DDX31: variants seen among roughly 807,000 people sequenced by gnomAD.
DDX31 encodes the protein ATP-dependent DNA helicase DDX31.
In DDX31, 70 loss-of-function variants were observed where a neutral mutation model predicts 91.3. That is an observed-to-expected ratio of 0.77 (90% CI 0.63 to 0.94). The LOEUF (loss-of-function observed/expected upper bound fraction) is 0.94. Ranked by LOEUF, DDX31 falls within the 40% of genes least tolerant of loss-of-function variation. The probability of loss-of-function intolerance (pLI) is 0.00; values close to 1 mark genes in which losing one functional copy is unlikely to be tolerated. For missense variants in DDX31, 902 were observed against 925.0 expected (o/e 0.98, Z 0.32); for synonymous variants, 362 against 350.6 (o/e 1.03, Z -0.36).
At chr9:132,655,937 C>T (rs1052418237) in intron 6 of DDX31, among the ~76,000 whole-genome samples, 4 of 152,134 alleles carry the variant, frequency 2.6e-5, no homozygotes, top group East Asian at 1.9e-4. Context: ...CTACACTGAA[C>T]GCAGGCTAGG....
At chr9:132,669,734 G>C (rs890229056) in intron 1 of DDX31, 126 bp downstream of exon 1, 109 of 1,530,002 alleles carry the variant, frequency 7.1e-5, no homozygotes, top group Non-Finnish European at 9.0e-5. Flanking sequence ...GAAGCTGCCC[G>C]GTGTCTTTCT....
At chr9:132,653,494 C>CAAAAAAAAAAAAAAAAAAAA (rs71376648) in intron 6 of DDX31, among the ~76,000 whole-genome samples, 1 of 20,660 alleles carries the variant, frequency 4.8e-5, no homozygotes, top group African/African-American at 8.9e-5. Flanking sequence ...AACTCAGTCT[C>CAAAAAAAAAAAAAAAAAAAA]AAAAAAAAAA....
At position 132,641,995 on chromosome 9, in the gene DDX31, G is replaced by A. The variant is rs748271402; in HGVS notation, c.1440+9C>T. The A allele has an allele frequency of 2.5e-6, 4 of 1,612,590 alleles. No individual in the cohort carries two copies. The African/African-American group carries it at 5.3e-5, about 22-fold the overall frequency. On this transcript the variant is annotated intron_variant, in intron 14 of 19. Coordinates refer to ENST00000372159, the MANE Select transcript of DDX31 (RefSeq NM_022779.9). ...TCAGCCTTCACATGGAACACAGGAG[G>A]ATACGTACCGTGCAAAGAAGGACGC...
chr9:132,666,316 G>C (rs1264275122), intron 1 of DDX31, among the ~76,000 whole-genome samples: 3 of 150,870 alleles, frequency 2.0e-5, no homozygotes, highest in Non-Finnish European at 4.4e-5. Context: ...TGAAGAAATA[G>C]AGCTTCATAA....
At chr9:132,657,663 G>A (rs541273519) in intron 6 of DDX31, among the ~76,000 whole-genome samples, 1 of 152,192 alleles carries the variant, frequency 6.6e-6, no homozygotes, top group East Asian at 1.9e-4. Context: ...AACAGTAATC[G>A]ATTAGCTTTT....
intron 5 of DDX31, among the ~76,000 whole-genome samples, chr9:132,659,489 G>A (rs191615239): frequency 3.9e-5 from 6 of 152,210 alleles, no homozygotes; most frequent in Admixed American, 3.9e-4. Flanking sequence ...AATTATAGCC[G>A]AACCTGACTA....
Position 132,658,730 on chromosome 9 carries a change from T to G in DDX31, c.529A>C (p.Thr177Pro), listed in dbSNP as rs896377332. 1.2e-6 allele frequency: 2 copies of G among 1,612,562 alleles called. No individual in the cohort carries two copies. Among genetic ancestry groups the G allele is most frequent in the Non-Finnish European group, 1.7e-6 (2 of 1,179,532 alleles). The change falls in exon 6 of 20, where the codon ACT (threonine) becomes CCT (proline). Residue 177 changes from threonine to proline, a missense_variant. Transcript: ENST00000372159. ...LVRSQTGSGKTLAYCIPVVQS... is the reference protein window; with the variant it reads ...LVRSQTGSGKPLAYCIPVVQS... ...ACCACAGGGATGCAATAGGCAAGAG[T>G]TTTACCTTTCAAAAAAAAAGCAGAA...
At chr9:132,658,816 G>A in intron 5 of DDX31, 81 bp from the exon 6 acceptor site, 3 of 1,318,150 alleles carry the variant, frequency 2.3e-6, no homozygotes, top group African/African-American at 1.5e-5. Flanking sequence ...AAGGAAACAG[G>A]CTCTGCTATC....
intron 14 of DDX31, 123 bp from the exon 15 acceptor site, chr9:132,632,214 G>T: frequency 2.8e-6 from 1 of 359,514 alleles, no homozygotes; most frequent in South Asian, 3.0e-5. Context: ...TGCACATTCG[G>T]GCATACACGT....
At chr9:132,628,714 G>A (rs1832546202) in intron 16 of DDX31, among the ~76,000 whole-genome samples, 1 of 152,206 alleles carries the variant, frequency 6.6e-6, no homozygotes, top group Non-Finnish European at 1.5e-5. Flanking sequence ...AACGAGCATG[G>A]GGGAACATCC....
chr9:132,614,389 G>A (rs973317043), intron 18 of DDX31, among the ~76,000 whole-genome samples: 2 of 151,894 alleles, frequency 1.3e-5, no homozygotes, highest in African/African-American at 4.8e-5. Context: ...ACTAGATACA[G>A]AGCCCCACAG....
intron 5 of DDX31, among the ~76,000 whole-genome samples, chr9:132,658,988 G>A (rs1348233544): frequency 6.6e-6 from 1 of 152,318 alleles, no homozygotes; most frequent in East Asian, 1.9e-4. Flanking sequence ...TCTAACAAGA[G>A]ATAACGATAT....
chr9:132,623,889 G>A (rs1024079568), intron 17 of DDX31, among the ~76,000 whole-genome samples: 1 of 152,018 alleles, frequency 6.6e-6, no homozygotes, highest in East Asian at 1.9e-4. Flanking sequence ...CCAAAAGGCC[G>A]GCTACGGTGG....
chr9:132,629,907 A>C (rs966724379), intron 16 of DDX31, among the ~76,000 whole-genome samples: 1 of 152,242 alleles, frequency 6.6e-6, no homozygotes, highest in Non-Finnish European at 1.5e-5. Flanking sequence ...AAGACAAATC[A>C]ACTTTGAAGA....
At chr9:132,644,528 G>T (rs1477463919) in intron 13 of DDX31, among the ~76,000 whole-genome samples, 1 of 152,122 alleles carries the variant, frequency 6.6e-6, no homozygotes. Context: ...CCCCCAGAGG[G>T]CACAGCTATA....
Position 132,652,601 on chromosome 9 carries a change from G to A in DDX31, c.589-109C>T, listed in dbSNP as rs12006411. On this transcript the variant is annotated intron_variant, in intron 6 of 19. Transcript: ENST00000372159. Reference sequence around the variant, plus strand: ...GTAGAACATCAGAAGCACTCTTAATGAAGAAAGGGACAAAATAAGGTTGCC... The same window carrying A: ...GTAGAACATCAGAAGCACTCTTAATAAAGAAAGGGACAAAATAAGGTTGCC... 6 of 1,375,350 alleles carry A rather than the reference G, an allele frequency of 4.4e-6. No homozygotes were observed. The African/African-American group carries it at 8.6e-5, about 20-fold the overall frequency. The allele number at this position is 1,375,350 out of a possible 1,614,324, so 85.2% of individuals were successfully genotyped here.
chr9:132,667,388 C>G, intron 1 of DDX31, among the ~76,000 whole-genome samples: 1 of 151,526 alleles, frequency 6.6e-6, no homozygotes, highest in Non-Finnish European at 1.5e-5. Context: ...ATCACAAGGT[C>G]GGGAGATGGA....
chr9:132,633,179 C>T (rs1210620400), intron 14 of DDX31, among the ~76,000 whole-genome samples: 5 of 152,174 alleles, frequency 3.3e-5, no homozygotes, highest in Admixed American at 1.3e-4. Flanking sequence ...AAATAATCCT[C>T]GAATCCAGGT....
intron 13 of DDX31, among the ~76,000 whole-genome samples, chr9:132,642,329 A>G (rs992539352): frequency 1.3e-5 from 2 of 152,178 alleles, no homozygotes; most frequent in Admixed American, 6.5e-5. Context: ...CACACTCTCC[A>G]GGAATGGCCA....
Sources: gnomAD v4.1 joint callset for allele counts (sites outside exome capture counted in the v4.1 genomes callset) on GRCh38, gnomAD v4.1.1 for gene constraint, MANE v1.5 for transcripts, NCBI Gene and HGNC (gene_info 2026-07-23, HGNC 2026-07-21) for gene names.